DAB1: variants seen among roughly 807,000 people sequenced by gnomAD.
DAB1 encodes the protein DAB adaptor protein 1.
In DAB1, 15 loss-of-function variants were observed where a neutral mutation model predicts 64.6. That is an observed-to-expected ratio of 0.23 (90% confidence interval 0.16 to 0.36). DAB1 has a LOEUF of 0.36. Ranked by LOEUF, DAB1 falls within the 10% of genes least tolerant of loss-of-function variation. The probability of loss-of-function intolerance (pLI) is 1.00; values close to 1 mark genes in which losing one functional copy is unlikely to be tolerated. For synonymous variants in DAB1, 235 were observed against 251.9 expected (o/e 0.93, Z 0.64); for missense variants, 596 against 706.7 (o/e 0.84, Z 1.78).
At chr1:57,008,410 GTGATGATGATAA>G (rs1043877522) in intron 14 of DAB1, among the ~76,000 whole-genome samples, 48 of 152,278 alleles carry the variant, frequency 3.2e-4, no homozygotes, top group African/African-American at 9.9e-4. Flanking sequence ...TTGGATATAT[GTGATGATGATAA>G]TGATGATGAT....
At chr1:57,784,905 GATGCC>G (rs1333996020) in intron 6 of DAB1, among the ~76,000 whole-genome samples, 1 of 152,190 alleles carries the variant, frequency 6.6e-6, no homozygotes, top group Non-Finnish European at 1.5e-5. Context: ...ATAGGAAGAA[GATGCC>G]ATGACATCTA....
At chr1:57,969,811 G>C (rs1353330657) in intron 5 of DAB1, among the ~76,000 whole-genome samples, 1 of 151,996 alleles carries the variant, frequency 6.6e-6, no homozygotes, top group African/African-American at 2.4e-5. Context: ...TAGTTAAATG[G>C]GGATTTACAC....
At chr1:57,621,028 T>TGA (rs143893433) in intron 7 of DAB1, among the ~76,000 whole-genome samples, 5 of 150,986 alleles carry the variant, frequency 3.3e-5, no homozygotes, top group South Asian at 4.2e-4. Context: ...TGTGTGTGTG[T>TGA]GAGAGAGAGA....
intron 1 of DAB1, among the ~76,000 whole-genome samples, chr1:57,882,156 G>C (rs1644154210): frequency 6.6e-6 from 1 of 152,186 alleles, no homozygotes; most frequent in African/African-American, 2.4e-5. Context: ...TAGAGAGTTG[G>C]AAGTCAGTGT....
intron 5 of DAB1, among the ~76,000 whole-genome samples, chr1:57,910,756 C>T (rs1644631291): frequency 6.6e-6 from 1 of 152,214 alleles, no homozygotes; most frequent in African/African-American, 2.4e-5. Context: ...AAGAATCTCT[C>T]AAGAATGGCC....
chr1:57,385,790 C>T (rs1413816059), intron 1 of DAB1, among the ~76,000 whole-genome samples: 2 of 152,162 alleles, frequency 1.3e-5, no homozygotes, highest in Admixed American at 6.5e-5. Flanking sequence ...ATTAAAATGT[C>T]CCCAGAATGG....
chr1:57,152,789 T>C (rs991474958), intron 2 of DAB1, among the ~76,000 whole-genome samples: 4 of 152,348 alleles, frequency 2.6e-5, no homozygotes, highest in Admixed American at 1.3e-4. Flanking sequence ...TATCAGTTTA[T>C]TGTTATAGCA....
chr1:57,946,286 A>G (rs910129084), intron 5 of DAB1, among the ~76,000 whole-genome samples: 1 of 152,200 alleles, frequency 6.6e-6, no homozygotes, highest in African/African-American at 2.4e-5. Flanking sequence ...GCAGACAACT[A>G]ACTATACGTG....
intron 4 of DAB1, among the ~76,000 whole-genome samples, chr1:58,285,207 G>A (rs1302855962): frequency 2.0e-5 from 3 of 152,132 alleles, no homozygotes; most frequent in Admixed American, 2.0e-4. Flanking sequence ...CATACTGAAT[G>A]GGCAAAAGCT....
intron 7 of DAB1, among the ~76,000 whole-genome samples, chr1:57,437,739 A>C (rs1685748850): frequency 6.6e-6 from 1 of 152,224 alleles, no homozygotes; most frequent in African/African-American, 2.4e-5. Flanking sequence ...ATATAGCACA[A>C]GGGAATTTGT....
intron 3 of DAB1, among the ~76,000 whole-genome samples, chr1:58,458,692 T>C (rs1347071079): frequency 6.6e-6 from 1 of 152,194 alleles, no homozygotes; most frequent in Non-Finnish European, 1.5e-5. Flanking sequence ...TTATCCCAGC[T>C]ACTTGAGAGG....
At chr1:57,554,332 G>A (rs1471417539) in intron 7 of DAB1, among the ~76,000 whole-genome samples, 4 of 152,206 alleles carry the variant, frequency 2.6e-5, no homozygotes, top group African/African-American at 9.6e-5. Context: ...TGCGAAAGTC[G>A]CTTGAATTTT....
At chr1:58,266,695 G>A (rs1183366690) in intron 4 of DAB1, among the ~76,000 whole-genome samples, 1 of 152,162 alleles carries the variant, frequency 6.6e-6, no homozygotes, top group Non-Finnish European at 1.5e-5. Flanking sequence ...GGATACAAAA[G>A]GGAACCAAGG....
chr1:57,980,005 TC>T (rs1646023769), intron 5 of DAB1, among the ~76,000 whole-genome samples: 1 of 152,184 alleles, frequency 6.6e-6, no homozygotes, highest in Non-Finnish European at 1.5e-5. Context: ...TGCCTCTCTG[TC>T]CAGTCTTGGT....
rs568382582 is a variant in DAB1 at position 58,267,076 on chromosome 1, C to T, written n.309+76276G>A. 2.6e-5 allele frequency among the ~76,000 whole-genome samples: 4 copies of T among 152,060 alleles called. No individual in the cohort carries two copies. In the East Asian group the frequency reaches 5.8e-4, roughly 22 times the overall value. On this transcript the variant is annotated intron_variant and non_coding_transcript_variant, in intron 4 of 20. Coordinates refer to the DAB1 transcript ENST00000485760. The stretch of plus-strand genomic sequence containing the variant: ...CTCTACTAAAAATACAAAAATTGGC[C>T]GGGCATCATGGCATACGCCTGTGGT...
chr1:57,844,197 T>A (rs1653176995), intron 1 of DAB1, among the ~76,000 whole-genome samples: 1 of 152,238 alleles, frequency 6.6e-6, no homozygotes, highest in African/African-American at 2.4e-5. Flanking sequence ...AGACCAGCAT[T>A]CATACTTTTA....
intron 7 of DAB1, among the ~76,000 whole-genome samples, chr1:57,590,638 T>A (rs1489720113): frequency 6.6e-6 from 1 of 151,700 alleles, no homozygotes; most frequent in Admixed American, 6.6e-5. Flanking sequence ...GCCCCTTAAT[T>A]ATTTTTTCAA....
chr1:58,485,535 T>C (rs1645562759), intron 3 of DAB1, among the ~76,000 whole-genome samples: 1 of 152,158 alleles, frequency 6.6e-6, no homozygotes, highest in South Asian at 2.1e-4. Flanking sequence ...TGACCATACA[T>C]ATTTCTATCA....
At chr1:57,065,726 C>T (rs1283086389) in intron 8 of DAB1, among the ~76,000 whole-genome samples, 1 of 152,176 alleles carries the variant, frequency 6.6e-6, no homozygotes, top group East Asian at 1.9e-4. Context: ...CCAAAAGGAA[C>T]CAGAAGACTG....
Sources: gnomAD v4.1 joint callset for allele counts (sites outside exome capture counted in the v4.1 genomes callset) on GRCh38, gnomAD v4.1.1 for gene constraint, MANE v1.5 for transcripts, NCBI Gene and HGNC (gene_info 2026-07-23, HGNC 2026-07-21) for gene names.